TEX11: variants seen among roughly 807,000 people sequenced by gnomAD.
TEX11 encodes testis-expressed protein 11.
TEX11 carries 7 observed loss-of-function variants against 84.4 expected under a neutral mutation model. The ratio of observed to expected loss-of-function variants is 0.08; its 90% confidence interval spans 0.05 to 0.16. The LOEUF is 0.16. TEX11 is among the 10% of genes least tolerant of loss of function. TEX11 has a pLI of 1.00. For missense variants in TEX11, 551 were observed against 660.5 expected (o/e 0.83, Z 1.82); for synonymous variants, 264 against 222.8 (o/e 1.18, Z -1.64).
chrX:70,571,518 A>G (rs2088598482), intron 25 of TEX11, among the ~76,000 whole-genome samples: 1 of 112,024 alleles, frequency 8.9e-6, no homozygotes, highest in African/African-American at 3.2e-5. Context: ...AGTTGTATCC[A>G]ACAAGTTTTG....
intron 4 of TEX11, among the ~76,000 whole-genome samples, chrX:70,869,026 A>G (rs1452268535): frequency 1.9e-5 from 2 of 102,637 alleles, no homozygotes; most frequent in Non-Finnish European, 3.9e-5. Context: ...CACATATCCC[A>G]GAACTTAAAG....
chrX:70,753,974 AC>A (rs1421141767), intron 9 of TEX11, among the ~76,000 whole-genome samples: 6 of 109,801 alleles, frequency 5.5e-5, no homozygotes, highest in Non-Finnish European at 1.1e-4. Context: ...TTCGGGTGAG[AC>A]CCTGAGACTT....
intron 5 of TEX11, among the ~76,000 whole-genome samples, chrX:70,859,253 C>G (rs1007841562): frequency 9.2e-6 from 1 of 108,314 alleles, no homozygotes; most frequent in Non-Finnish European, 1.9e-5. Flanking sequence ...TATTTTTCCA[C>G]TAAAAAAATG....
chrX:70,684,579 AAT>A (rs2090172578), intron 13 of TEX11, among the ~76,000 whole-genome samples: 1 of 112,196 alleles, frequency 8.9e-6, no homozygotes, highest in South Asian at 3.7e-4. Context: ...CTCCATCTCA[AAT>A]ATATATGAAT....
chrX:70,546,378 A>G (rs776252940), intron 28 of TEX11, among the ~76,000 whole-genome samples: 1 of 112,155 alleles, frequency 8.9e-6, no homozygotes, highest in South Asian at 3.7e-4. Context: ...CCCACAAAAG[A>G]AAAAATTGAT....
chrX:70,551,104 A>T (rs908114951), intron 28 of TEX11, among the ~76,000 whole-genome samples: 12 of 111,655 alleles, frequency 1.1e-4, no homozygotes, highest in African/African-American at 3.9e-4. Context: ...TTGCAACAAC[A>T]TGGATGGAAC....
chrX:70,594,712 G>A (rs915909676), intron 24 of TEX11, among the ~76,000 whole-genome samples: 10 of 110,923 alleles, frequency 9.0e-5, no homozygotes, highest in African/African-American at 3.3e-4. Flanking sequence ...CCAGTGGGAG[G>A]TAATTGAATC....
At chrX:70,762,324 G>A (rs1383441505) in intron 9 of TEX11, among the ~76,000 whole-genome samples, 2 of 111,697 alleles carry the variant, frequency 1.8e-5, no homozygotes, top group Non-Finnish European at 3.8e-5. Context: ...ACTAAATAAC[G>A]AACCAATCAA....
At chrX:70,620,397 T>A (rs2089370394) in intron 20 of TEX11, among the ~76,000 whole-genome samples, 1 of 111,266 alleles carries the variant, frequency 9.0e-6, no homozygotes, top group South Asian at 3.8e-4. Context: ...AATAAAACAA[T>A]GAGTTACCAC....
At chrX:70,802,572 C>A (rs779283294) in intron 9 of TEX11, among the ~76,000 whole-genome samples, 57 of 110,830 alleles carry the variant, frequency 5.1e-4, no homozygotes, top group African/African-American at 1.9e-3. Flanking sequence ...CTTCTTACTT[C>A]AAAAGGAAAA....
At chrX:70,741,577 G>A (rs938652744) in intron 10 of TEX11, among the ~76,000 whole-genome samples, 7 of 111,483 alleles carry the variant, frequency 6.3e-5, no homozygotes, top group African/African-American at 2.0e-4. Flanking sequence ...GAAGTTTACT[G>A]TATATAAATT....
At chrX:70,619,877 C>T (rs745619231) in intron 20 of TEX11, among the ~76,000 whole-genome samples, 5 of 107,828 alleles carry the variant, frequency 4.6e-5, no homozygotes, top group Admixed American at 2.0e-4. Flanking sequence ...GGCACAATCT[C>T]GGCTCACTGC....
intron 4 of TEX11, among the ~76,000 whole-genome samples, chrX:70,864,793 A>G (rs1237256801): frequency 9.1e-6 from 1 of 109,325 alleles, no homozygotes; most frequent in African/African-American, 3.3e-5. Flanking sequence ...AGAATTTCAT[A>G]TCCAGCCAAA....
chrX:70,787,087 T>C (rs1220117024), intron 9 of TEX11, among the ~76,000 whole-genome samples: 1 of 111,627 alleles, frequency 9.0e-6, no homozygotes, highest in Admixed American at 9.5e-5. Context: ...TGAGCCAAGA[T>C]TGTGCCATTG....
At chrX:70,669,286 C>A (rs149803402) in intron 16 of TEX11, among the ~76,000 whole-genome samples, 1 of 111,930 alleles carries the variant, frequency 8.9e-6, no homozygotes, top group East Asian at 2.8e-4. Context: ...CCTTCCCAAG[C>A]TGCCTAGCTC....
At chrX:70,715,823 A>G (rs867588208) in intron 13 of TEX11, among the ~76,000 whole-genome samples, 4 of 111,636 alleles carry the variant, frequency 3.6e-5, no homozygotes, top group Admixed American at 9.5e-5. Flanking sequence ...GCTTTGTTCC[A>G]TTGCTGGTGA....
intron 28 of TEX11, among the ~76,000 whole-genome samples, chrX:70,546,862 T>A (rs1356785884): frequency 2.7e-5 from 3 of 109,978 alleles, no homozygotes; most frequent in Non-Finnish European, 5.7e-5. Flanking sequence ...TTCCTAGGTA[T>A]ATATTCAAGA....
chrX:70,710,049 T>C (rs745691561), intron 13 of TEX11, among the ~76,000 whole-genome samples: 1 of 111,094 alleles, frequency 9.0e-6, no homozygotes, highest in African/African-American at 3.3e-5. Context: ...CAATTCAAGA[T>C]CCCTTTGTTT....
intron 7 of TEX11, among the ~76,000 whole-genome samples, chrX:70,839,250 G>A (rs776956278): frequency 8.0e-4 from 89 of 111,661 alleles, no homozygotes; most frequent in African/African-American, 2.6e-3. Context: ...CAGGAGGGGC[G>A]GACTGACACC....
Sources: allele counts gnomAD v4.1 joint callset (sites outside exome capture counted in the v4.1 genomes callset), GRCh38; gene constraint gnomAD v4.1.1; transcripts MANE v1.5; gene names NCBI Gene and HGNC (gene_info 2026-07-23, HGNC 2026-07-21).